The following AGMO variants were observed in gnomAD, a reference collection of about 807,000 sequenced individuals.
AGMO encodes alkylglycerol monooxygenase.
Under a neutral mutation model 60.2 loss-of-function variants are expected in AGMO, and 75 were observed. The observed-to-expected ratio is 1.25, with a 90% confidence interval of 1.03 to 1.51. AGMO has a LOEUF of 1.51. Ranked by LOEUF, AGMO falls within the 40% of genes most tolerant of loss-of-function variation. The pLI is 0.00. For missense variants in AGMO, 763 were observed against 525.5 expected, an observed-to-expected ratio of 1.45 and a Z score of -4.42; for synonymous variants, 261 against 177.1, an observed-to-expected ratio of 1.47 and a Z score of -3.76.
intron 3 of AGMO, among the ~76,000 whole-genome samples, chr7:15,508,145 A>G (rs1438557050): frequency 6.6e-6 from 1 of 152,162 alleles, no homozygotes; most frequent in African/African-American, 2.4e-5. Context: ...ATGCAGGGAA[A>G]AAAATTAGTC....
intron 2 of AGMO, among the ~76,000 whole-genome samples, chr7:15,556,328 G>A (rs1437934495): frequency 1.4e-5 from 2 of 142,662 alleles, no homozygotes; most frequent in Non-Finnish European, 3.0e-5. Flanking sequence ...ATTGAACATT[G>A]TGGAGCTAGC....
chr7:15,398,023 G>A (rs2128488679), intron 5 of AGMO, among the ~76,000 whole-genome samples: 1 of 152,292 alleles, frequency 6.6e-6, no homozygotes, highest in African/African-American at 2.4e-5. Context: ...CTGATGCTTT[G>A]GTTGGGCTTT....
At chr7:15,214,404 T>C (rs185700469) in intron 12 of AGMO, among the ~76,000 whole-genome samples, 60 of 152,114 alleles carry the variant, frequency 3.9e-4, no homozygotes, top group African/African-American at 1.4e-3. Context: ...GCAGCAAAAG[T>C]TATGCAGAGT....
chr7:15,169,759 T>C, the AGMO span, among the ~76,000 whole-genome samples: 1,582 of 152,292 alleles, frequency 0.01, 19 homozygotes, highest in African/African-American at 0.036. Context: ...TCTTACACTT[T>C]ACTTGGAACA....
intron 12 of AGMO, among the ~76,000 whole-genome samples, chr7:15,226,625 C>G (rs1233887720): frequency 6.6e-6 from 1 of 152,026 alleles, no homozygotes; most frequent in Non-Finnish European, 1.5e-5. Flanking sequence ...GAGAAATACT[C>G]TCTCTGCATA....
intron 12 of AGMO, among the ~76,000 whole-genome samples, chr7:15,244,374 G>C (rs987817159): frequency 1.3e-5 from 2 of 152,052 alleles, no homozygotes; most frequent in Non-Finnish European, 2.9e-5. Flanking sequence ...CTCTAAAAAA[G>C]AGGCTATAGA....
chr7:15,171,025 G>C, the AGMO span, among the ~76,000 whole-genome samples: 2 of 152,082 alleles, frequency 1.3e-5, no homozygotes, highest in Non-Finnish European at 2.9e-5. Flanking sequence ...ACACAGGCTG[G>C]AGTGCAGTGG....
intron 3 of AGMO, among the ~76,000 whole-genome samples, chr7:15,521,876 G>C (rs547041395): frequency 7.2e-5 from 11 of 152,200 alleles, no homozygotes; most frequent in African/African-American, 2.2e-4. Context: ...AGAAATAAAG[G>C]GTATTCAAAT....
chr7:15,216,095 A>T (rs1781728446), intron 12 of AGMO, among the ~76,000 whole-genome samples: 1 of 152,038 alleles, frequency 6.6e-6, no homozygotes, highest in Admixed American at 6.6e-5. Context: ...ACATACACAA[A>T]GCTCTTCTTC....
At chr7:15,388,238 C>T (rs1042184327) in intron 8 of AGMO, among the ~76,000 whole-genome samples, 1 of 151,988 alleles carries the variant, frequency 6.6e-6, no homozygotes, top group Non-Finnish European at 1.5e-5. Context: ...TAATTTAGAA[C>T]CATTTATGCC....
intron 12 of AGMO, among the ~76,000 whole-genome samples, chr7:15,337,326 T>C (rs1005198915): frequency 2.6e-5 from 4 of 152,164 alleles, no homozygotes; most frequent in Non-Finnish European, 1.5e-5. Flanking sequence ...ATATATTTCA[T>C]AATTATATAA....
chr7:15,528,307 T>C (rs1784178209), intron 3 of AGMO, among the ~76,000 whole-genome samples: 1 of 152,248 alleles, frequency 6.6e-6, no homozygotes, highest in Admixed American at 6.5e-5. Flanking sequence ...GCATAAATTT[T>C]ATATGCTCTA....
chr7:15,529,637 T>TATATACTATATGTATTCTATATATAGA, intron 3 of AGMO, among the ~76,000 whole-genome samples: 1 of 35,156 alleles, frequency 2.8e-5, no homozygotes, highest in African/African-American at 1.4e-4. Flanking sequence ...ATATAGAATA[T>TATATACTATATGTATTCTATATATAGA]ATATATATAC....
intron 5 of AGMO, among the ~76,000 whole-genome samples, chr7:15,401,411 C>T (rs1784549388): frequency 6.6e-6 from 1 of 152,038 alleles, no homozygotes; most frequent in African/African-American, 2.4e-5. Flanking sequence ...CAGAACAAGA[C>T]TTATCTTCAT....
At chr7:15,283,714 C>T (rs751288663) in intron 12 of AGMO, among the ~76,000 whole-genome samples, 12 of 152,002 alleles carry the variant, frequency 7.9e-5, no homozygotes, top group Non-Finnish European at 1.8e-4. Flanking sequence ...TTACACTACA[C>T]TCTAGAACAA....
At chr7:15,342,236 A>C (rs557889375) in intron 12 of AGMO, among the ~76,000 whole-genome samples, 39 of 149,282 alleles carry the variant, frequency 2.6e-4, no homozygotes, top group Non-Finnish European at 1.5e-4. Context: ...AGAGATTGGG[A>C]AGAAAAGAAG....
At chr7:15,357,419 ATAAAT>A (rs1782580807) in intron 12 of AGMO, among the ~76,000 whole-genome samples, 1 of 146,992 alleles carries the variant, frequency 6.8e-6, no homozygotes, top group African/African-American at 2.7e-5. Flanking sequence ...AACCCAAGTA[ATAAAT>A]AAAACCTCAG....
At chr7:15,255,159 G>A (rs375978661) in intron 12 of AGMO, among the ~76,000 whole-genome samples, 1 of 152,106 alleles carries the variant, frequency 6.6e-6, no homozygotes, top group Non-Finnish European at 1.5e-5. Flanking sequence ...GCTGACCAGT[G>A]TGAACATATG....
intron 3 of AGMO, among the ~76,000 whole-genome samples, chr7:15,516,166 A>G (rs1226148318): frequency 6.6e-6 from 1 of 152,196 alleles, no homozygotes; most frequent in African/African-American, 2.4e-5. Context: ...AAATAATGAA[A>G]TTATTGGAAG....
Sources: allele counts gnomAD v4.1 joint callset (sites outside exome capture counted in the v4.1 genomes callset), GRCh38; gene constraint gnomAD v4.1.1; transcripts MANE v1.5; gene names NCBI Gene and HGNC (gene_info 2026-07-23, HGNC 2026-07-21).